Variants in CYP51A1 observed in about 807,000 individuals in gnomAD.
The protein encoded by CYP51A1 is cytochrome P450 family 51 subfamily A member 1.
Under a neutral mutation model 53.5 loss-of-function variants are expected in CYP51A1, and 45 were observed. The ratio of observed to expected loss-of-function variants is 0.84; its 90% confidence interval spans 0.66 to 1.08. The LOEUF (loss-of-function observed/expected upper bound fraction) is 1.08, where lower values mean the gene tolerates loss of function less well. Among genes scored for constraint, CYP51A1 ranks in the 50% least tolerant of loss-of-function variants. CYP51A1 has a pLI of 0.00. For synonymous variants in CYP51A1, 181 were observed against 217.7 expected (o/e 0.83, Z 1.48); for missense variants, 462 against 621.7 (o/e 0.74, Z 2.73).
At position 92,114,248 on chromosome 7, in the gene CYP51A1, A is replaced by G. The variant is rs118114087; in HGVS notation, c.1352-405T>C. 5.7e-3 allele frequency among the ~76,000 whole-genome samples: 872 copies of G among 152,286 alleles called. 4 individuals carry two copies. Among genetic ancestry groups the G allele is most frequent in the South Asian group, 0.027 (132 of 4,816 alleles). ...TGTCATTATAAATGTATGGAAGAAA[A>G]TGAGATTTAATGAACCCAAAATAAT... On this transcript the variant is annotated intron_variant, in intron 9 of 9. Transcript: ENST00000003100.
At chr7:92,114,740 AAAT>A (rs1301893357) in intron 9 of CYP51A1, among the ~76,000 whole-genome samples, 1 of 152,214 alleles carries the variant, frequency 6.6e-6, no homozygotes, top group Non-Finnish European at 1.5e-5. Flanking sequence ...GGCTAAGCAA[AAAT>A]TTTAAGACAG....
At chr7:92,125,817 G>A (rs1295559414) in intron 5 of CYP51A1, among the ~76,000 whole-genome samples, 4 of 152,096 alleles carry the variant, frequency 2.6e-5, no homozygotes, top group South Asian at 4.1e-4. Flanking sequence ...CCAACATGAT[G>A]AAACCCTGTC....
At chr7:92,121,266 A>G (rs998233548) in intron 7 of CYP51A1, among the ~76,000 whole-genome samples, 2 of 150,672 alleles carry the variant, frequency 1.3e-5, no homozygotes. Context: ...TGGGCATCAC[A>G]CCAAGACTCT....
intron 1 of CYP51A1, 63 bp from the exon 2 acceptor site, chr7:92,131,935 G>T: frequency 1.0e-6 from 1 of 1,000,308 alleles, no homozygotes; most frequent in Non-Finnish European, 1.6e-6. Context: ...ACCCAGTTTC[G>T]TTTCATGACC....
At chr7:92,118,679 T>C in intron 7 of CYP51A1, 64 bp from the exon 8 acceptor site, 2 of 944,842 alleles carry the variant, frequency 2.1e-6, no homozygotes, top group Non-Finnish European at 1.7e-6. Flanking sequence ...AAAAAATTAG[T>C]TTAACTTCTT....
At chr7:92,127,713 A>T in intron 3 of CYP51A1, 82 bp from the exon 4 acceptor site, 3 of 1,361,554 alleles carry the variant, frequency 2.2e-6, no homozygotes, top group Non-Finnish European at 2.1e-6. Context: ...TATTATAATT[A>T]TGTAACACTA....
chr7:92,123,462 C>T, intron 6 of CYP51A1, 147 bp from the exon 7 acceptor site: 2 of 804,976 alleles, frequency 2.5e-6, no homozygotes, highest in Non-Finnish European at 2.0e-6. Context: ...TTTTTTTTCT[C>T]TTAGGGAAGA....
intron 1 of CYP51A1, among the ~76,000 whole-genome samples, chr7:92,133,579 C>G (rs1034042574): frequency 1.4e-4 from 22 of 152,256 alleles, no homozygotes; most frequent in Non-Finnish European, 2.9e-5. Context: ...GAAACTGTTA[C>G]ATTATTAGCA....
intron 9 of CYP51A1, 130 bp downstream of exon 9, chr7:92,116,914 T>C: frequency 2.6e-6 from 2 of 783,152 alleles, no homozygotes; most frequent in East Asian, 5.6e-5. Flanking sequence ...ATTCTTCTCC[T>C]AAAAAAGTTT....
At chr7:92,134,510 G>A (rs768872365), upstream of CYP51A1, 53 of 774,496 alleles carry the variant, frequency 6.8e-5, no homozygotes, top group African/African-American at 1.2e-4. Flanking sequence ...TCCCACGCGC[G>A]CCACCCCGTG....
At chr7:92,132,893 GGT>G (rs1819952880) in intron 1 of CYP51A1, among the ~76,000 whole-genome samples, 1 of 151,980 alleles carries the variant, frequency 6.6e-6, no homozygotes. Context: ...AATGAAAAAG[GGT>G]AATACTCCTC....
chr7:92,120,153 G>A (rs1437757647), intron 7 of CYP51A1, among the ~76,000 whole-genome samples: 1 of 152,132 alleles, frequency 6.6e-6, no homozygotes, highest in Non-Finnish European at 1.5e-5. Context: ...GACATCTCAT[G>A]TTCACAGATT....
upstream of CYP51A1, chr7:92,134,507 C>A (rs1820003946): frequency 2.5e-6 from 2 of 805,982 alleles, no homozygotes; most frequent in Non-Finnish European, 1.9e-6. Flanking sequence ...GGGTCCCACG[C>A]GCGCCACCCC....
chr7:92,121,733 A>G (rs1398295453), intron 7 of CYP51A1, among the ~76,000 whole-genome samples: 2 of 152,238 alleles, frequency 1.3e-5, no homozygotes, highest in African/African-American at 4.8e-5. Context: ...TACAAATTGT[A>G]TGATCCCATT....
intron 3 of CYP51A1, among the ~76,000 whole-genome samples, chr7:92,127,863 C>T (rs146450806): frequency 6.6e-6 from 1 of 152,104 alleles, no homozygotes; most frequent in East Asian, 1.9e-4. Context: ...TGTTTTTTGG[C>T]CTTAAGGAGA....
At chr7:92,121,236 CG>C (rs754726969) in intron 7 of CYP51A1, among the ~76,000 whole-genome samples, 2 of 150,798 alleles carry the variant, frequency 1.3e-5, no homozygotes, top group Non-Finnish European at 2.9e-5. Flanking sequence ...AAGCCAAGGT[CG>C]CGCCATTGCA....
chr7:92,128,476 G>T (rs1165645903), intron 3 of CYP51A1, among the ~76,000 whole-genome samples: 1 of 151,388 alleles, frequency 6.6e-6, no homozygotes, highest in Non-Finnish European at 1.5e-5. Flanking sequence ...GTGTGTGTGT[G>T]TGTTTGGTTT....
chr7:92,114,912 T>C (rs754347057), intron 9 of CYP51A1, among the ~76,000 whole-genome samples: 1 of 152,230 alleles, frequency 6.6e-6, no homozygotes, highest in African/African-American at 2.4e-5. Flanking sequence ...CTTAGCACAG[T>C]GCTTGCTTGG....
At chr7:92,114,829 T>C (rs1819552657) in intron 9 of CYP51A1, among the ~76,000 whole-genome samples, 1 of 152,116 alleles carries the variant, frequency 6.6e-6, no homozygotes, top group Non-Finnish European at 1.5e-5. Context: ...CAAAACTCAA[T>C]GAATGTTGAC....
Sources: gnomAD v4.1 joint callset for allele counts (sites outside exome capture counted in the v4.1 genomes callset) on GRCh38, gnomAD v4.1.1 for gene constraint, MANE v1.5 for transcripts, NCBI Gene and HGNC (gene_info 2026-07-23, HGNC 2026-07-21) for gene names.